GTF2A1L: variants seen among roughly 807,000 people sequenced by gnomAD.
The protein encoded by GTF2A1L is general transcription factor IIA subunit 1 like, also known as TFIIA-alpha and beta-like factor.
In GTF2A1L, 48 loss-of-function variants were observed where a neutral mutation model predicts 49.7. That is an observed-to-expected ratio of 0.97 (90% CI 0.77 to 1.23). GTF2A1L has a LOEUF of 1.23. GTF2A1L is among the 50% of genes most tolerant of loss of function. GTF2A1L has a pLI of 0.00. For synonymous variants in GTF2A1L, 246 were observed against 193.5 expected (o/e 1.27, Z -2.25); for missense variants, 736 against 564.8 (o/e 1.30, Z -3.07).
chr2:48,628,125 A>G (rs1429180482), intron 3 of GTF2A1L, among the ~76,000 whole-genome samples: 1 of 143,698 alleles, frequency 7.0e-6, no homozygotes, highest in Admixed American at 7.1e-5. Context: ...CCAATCCACT[A>G]TGGATGGGCA....
chr2:48,656,205 A>C (rs1009673628), intron 6 of GTF2A1L, among the ~76,000 whole-genome samples: 1 of 152,134 alleles, frequency 6.6e-6, no homozygotes, highest in Non-Finnish European at 1.5e-5. Context: ...GGAGAAATGG[A>C]ACTGCAAAAT....
intron 6 of GTF2A1L, among the ~76,000 whole-genome samples, chr2:48,653,703 C>T (rs1169707714): frequency 6.6e-6 from 1 of 152,028 alleles, no homozygotes; most frequent in Non-Finnish European, 1.5e-5. Context: ...GAGACTGAGG[C>T]GGTTGGATCA....
intron 6 of GTF2A1L, among the ~76,000 whole-genome samples, chr2:48,657,577 C>A (rs1033091381): frequency 6.6e-6 from 1 of 151,982 alleles, no homozygotes; most frequent in Non-Finnish European, 1.5e-5. Flanking sequence ...AGTGCAGGTA[C>A]GTTTTTGGTA....
intron 3 of GTF2A1L, among the ~76,000 whole-genome samples, chr2:48,624,696 ATCT>A (rs755333310): frequency 5.6e-5 from 8 of 142,608 alleles, no homozygotes; most frequent in South Asian, 2.4e-4. Context: ...TTTCACCTAC[ATCT>A]TCTTATTTTC....
intron 6 of GTF2A1L, among the ~76,000 whole-genome samples, chr2:48,657,499 AC>A (rs1453035336): frequency 6.6e-6 from 1 of 152,160 alleles, no homozygotes; most frequent in Non-Finnish European, 1.5e-5. Context: ...TATTCAGTCC[AC>A]CATGTATGGG....
intron 6 of GTF2A1L, among the ~76,000 whole-genome samples, chr2:48,656,827 A>G (rs1678205550): frequency 6.6e-6 from 1 of 152,068 alleles, no homozygotes; most frequent in Non-Finnish European, 1.5e-5. Context: ...TTATAGTTTT[A>G]GTTCTTATCT....
In GTF2A1L at chr2:48,646,978, G is replaced by A. The variant is rs368819440; in HGVS notation, c.914G>A (p.Gly305Glu). 116 of 1,613,978 alleles carry A rather than the reference G, an allele frequency of 7.2e-5. No individual in the cohort carries two copies. The highest frequency in any genetic ancestry group is 9.5e-5 in the Non-Finnish European group (112 of 1,180,026). The change falls in exon 6 of 9, where the codon GGA becomes GAA. Residue 305 changes from glycine to glutamate, a missense_variant. Physicochemically the swap from Gly to Glu is moderately conservative, Grantham distance 98. Transcript: ENST00000403751. ...CATATTCTTAAAAATAGGATGTATG[G>A]ATGTGATTCTGTAAAGCAACCAAGA... ...QLHILKNRMYGCDSVKQPRNI... is the reference protein window; with the variant it reads ...QLHILKNRMYECDSVKQPRNI...
At chr2:48,661,736 G>C (rs191480436) in intron 6 of GTF2A1L, among the ~76,000 whole-genome samples, 8 of 151,574 alleles carry the variant, frequency 5.3e-5, no homozygotes, top group Non-Finnish European at 7.4e-5. Context: ...CAGCTCTATT[G>C]GTTATCATTT....
chr2:48,631,495 A>T (rs1268855998), intron 3 of GTF2A1L, among the ~76,000 whole-genome samples: 1 of 151,944 alleles, frequency 6.6e-6, no homozygotes, highest in African/African-American at 2.4e-5. Context: ...GACTGTGCTT[A>T]TTGGAATCTT....
intron 6 of GTF2A1L, among the ~76,000 whole-genome samples, chr2:48,660,162 C>T (rs930166543): frequency 7.2e-5 from 11 of 151,940 alleles, no homozygotes; most frequent in African/African-American, 2.7e-4. Flanking sequence ...TGTAGGATTC[C>T]TGTAATGTGC....
chr2:48,677,715 TG>T (rs1193627321), intron 8 of GTF2A1L, among the ~76,000 whole-genome samples: 1 of 151,996 alleles, frequency 6.6e-6, no homozygotes, highest in Non-Finnish European at 1.5e-5. Context: ...TGTATTGACC[TG>T]GGCAAGAGAA....
chr2:48,652,954 G>T (rs1178308233), intron 6 of GTF2A1L, among the ~76,000 whole-genome samples: 1 of 151,902 alleles, frequency 6.6e-6, no homozygotes, highest in Non-Finnish European at 1.5e-5. Flanking sequence ...TTTAGGCCGG[G>T]CACGGTGGCT....
chr2:48,642,170 C>T (rs1677231858), intron 3 of GTF2A1L, among the ~76,000 whole-genome samples: 1 of 152,072 alleles, frequency 6.6e-6, no homozygotes. Flanking sequence ...TAGTTGATTA[C>T]AATGAGATAT....
At chr2:48,617,974 G>A in intron 1 of GTF2A1L, 79 bp downstream of exon 1, 1 of 1,388,948 alleles carries the variant, frequency 7.2e-7, no homozygotes. Context: ...TGCACCTTTT[G>A]TTTCCCCCTG....
chr2:48,646,562 A>G lies in GTF2A1L; in HGVS notation c.498A>G (p.Ser166=), dbSNP rs1453368531. Residue 166 remains serine, a synonymous_variant, in exon 6 of 9, where the codon TCA becomes TCG. Coordinates refer to ENST00000403751, the MANE Select transcript of GTF2A1L (RefSeq NM_006872.5). ...TATTTCAACAGCTTGGCCAGCCTTC[A>G]GTAATACAAACTAGTGTTCCACAAT... ...QQVFQQLGQP[S]VIQTSVPQLN... 9 of 1,614,082 alleles carry G rather than the reference A, an allele frequency of 5.6e-6. No individual in the cohort carries two copies. In the East Asian group the frequency reaches 6.7e-5, roughly 12 times the overall value.
At chr2:48,654,542 CT>C (rs1460366187) in intron 6 of GTF2A1L, among the ~76,000 whole-genome samples, 96 of 152,274 alleles carry the variant, frequency 6.3e-4, no homozygotes, top group African/African-American at 2.3e-3. Context: ...ACCACCATGC[CT>C]GGCTAATTTT....
intron 3 of GTF2A1L, among the ~76,000 whole-genome samples, chr2:48,635,650 G>A (rs891500169): frequency 1.3e-5 from 2 of 152,014 alleles, no homozygotes; most frequent in African/African-American, 2.4e-5. Context: ...CTTCTGAGGT[G>A]CTTTCCACCT....
chr2:48,640,973 C>A (rs182331497), intron 3 of GTF2A1L, among the ~76,000 whole-genome samples: 1 of 152,098 alleles, frequency 6.6e-6, no homozygotes, highest in Admixed American at 6.5e-5. Flanking sequence ...TGCTTTTATT[C>A]CAATGTCTAT....
intron 6 of GTF2A1L, among the ~76,000 whole-genome samples, chr2:48,662,352 T>G (rs1678558514): frequency 6.6e-6 from 1 of 152,220 alleles, no homozygotes. Context: ...TACCAGATAA[T>G]TTTACATTTT....
Sources: allele counts gnomAD v4.1 joint callset (sites outside exome capture counted in the v4.1 genomes callset), GRCh38; gene constraint gnomAD v4.1.1; transcripts MANE v1.5; gene names NCBI Gene and HGNC (gene_info 2026-07-23, HGNC 2026-07-21).